Variants in RAB27A observed in about 807,000 individuals in gnomAD.
RAB27A encodes RAB27A, member RAS oncogene family.
RAB27A carries 17 observed loss-of-function variants against 20.8 expected under a neutral mutation model. The observed-to-expected ratio is 0.82, with a 90% CI of 0.56 to 1.23. The LOEUF (loss-of-function observed/expected upper bound fraction) is 1.23, where lower values mean the gene tolerates loss of function less well. Among genes scored for constraint, RAB27A ranks in the 50% most tolerant of loss-of-function variants. The pLI is 0.00. For synonymous variants in RAB27A, 85 were observed against 92.8 expected (o/e 0.92, Z 0.48); for missense variants, 277 against 266.7 (o/e 1.04, Z -0.27).
upstream of RAB27A, among the ~76,000 whole-genome samples, chr15:55,293,738 C>T (rs1047128883): frequency 1.3e-5 from 2 of 151,878 alleles, no homozygotes; most frequent in African/African-American, 2.4e-5. Context: ...GCCAACTTGG[C>T]GAAACCCGTC....
intron 2 of RAB27A, among the ~76,000 whole-genome samples, chr15:55,258,580 T>G (rs1001530936): frequency 6.6e-6 from 1 of 152,238 alleles, no homozygotes; most frequent in African/African-American, 2.4e-5. Context: ...GCTATACCTA[T>G]GCACACATGT....
intron 1 of RAB27A, among the ~76,000 whole-genome samples, chr15:55,276,697 G>A (rs925357576): frequency 6.6e-6 from 1 of 152,172 alleles, no homozygotes; most frequent in African/African-American, 2.4e-5. Context: ...ACAAGTTTCA[G>A]TTATGCAAAA....
chr15:55,272,832 C>CT (rs1450780075), intron 1 of RAB27A, among the ~76,000 whole-genome samples: 1 of 152,152 alleles, frequency 6.6e-6, no homozygotes, highest in Non-Finnish European at 1.5e-5. Context: ...AAAGCTGACT[C>CT]TTTATCTGCC....
intron 5 of RAB27A, among the ~76,000 whole-genome samples, chr15:55,226,509 TTG>T (rs36074324): frequency 0.14 from 21,114 of 148,538 alleles, 1,570 homozygotes; most frequent in Admixed American, 0.23. Flanking sequence ...TTTTATGTAT[TTG>T]TGTGTGTGTG....
intron 2 of RAB27A, chr15:55,269,839 T>TAA (rs1333718428): frequency 6.6e-6 from 1 of 152,222 alleles, no homozygotes; most frequent in African/African-American, 2.4e-5. Context: ...CCTCAGAGGA[T>TAA]AAGCAAGACT....
intron 1 of RAB27A, among the ~76,000 whole-genome samples, chr15:55,283,095 T>C (rs943117971): frequency 6.6e-6 from 1 of 152,154 alleles, no homozygotes; most frequent in African/African-American, 2.4e-5. Context: ...AGTTGTCTAA[T>C]GCAGGGTTTC....
At position 55,249,525 on chromosome 15, in the gene RAB27A, C is replaced by T. The variant is rs529312594; in HGVS notation, c.-22-14569G>A. On this transcript the variant is annotated intron_variant, in intron 2 of 6. Transcript: ENST00000336787. ...TGAACTCCTGGGCTCAAGTGATCCTCCTATCTCAGCCTCCCAAAGTGGTGA... is the reference window on the plus strand; with the variant it reads ...TGAACTCCTGGGCTCAAGTGATCCTTCTATCTCAGCCTCCCAAAGTGGTGA... Among the ~76,000 whole-genome samples, 12 of 152,312 alleles carry T rather than the reference C, an allele frequency of 7.9e-5. No individual in the cohort carries two copies. The East Asian group carries it at 2.3e-3, about 29-fold the overall frequency.
chr15:55,286,787 G>A (rs1055930573), intron 1 of RAB27A, among the ~76,000 whole-genome samples: 2 of 152,062 alleles, frequency 1.3e-5, no homozygotes, highest in Non-Finnish European at 2.9e-5. Context: ...ATAGAGTGTG[G>A]AGCAGTAAGG....
chr15:55,241,624 A>ATATATATATATATCTATATGTG (rs377301086), intron 2 of RAB27A, among the ~76,000 whole-genome samples: 1 of 117,664 alleles, frequency 8.5e-6, no homozygotes, highest in African/African-American at 4.4e-5. Context: ...ATATATATAT[A>ATATATATATATATCTATATGTG]TGTGTGTATA....
intron 2 of RAB27A, among the ~76,000 whole-genome samples, chr15:55,302,459 C>G (rs1332359735): frequency 1.3e-5 from 2 of 152,132 alleles, no homozygotes; most frequent in Non-Finnish European, 2.9e-5. Context: ...CTTGGCCTCC[C>G]AAAGTGCCGA....
chr15:55,226,699 T>A (rs373573538), intron 5 of RAB27A, among the ~76,000 whole-genome samples: 65 of 151,922 alleles, frequency 4.3e-4, no homozygotes, highest in African/African-American at 1.5e-3. Flanking sequence ...TGAAACCCCA[T>A]CTCTACAAAA....
intron 2 of RAB27A, among the ~76,000 whole-genome samples, chr15:55,303,231 G>T (rs1595755724): frequency 1.1e-5 from 1 of 92,712 alleles, no homozygotes; most frequent in Admixed American, 9.3e-5. Flanking sequence ...CCCTCAGCCC[G>T]GCCAGCCGCC....
chr15:55,210,146 T>C (rs1348320398), intron 6 of RAB27A, among the ~76,000 whole-genome samples: 2 of 83,172 alleles, frequency 2.4e-5, no homozygotes, highest in African/African-American at 9.4e-5. Context: ...TATATGTATG[T>C]GTATGTATAC....
chr15:55,265,175 G>A (rs1377770019), intron 2 of RAB27A, among the ~76,000 whole-genome samples: 2 of 152,178 alleles, frequency 1.3e-5, no homozygotes, highest in Non-Finnish European at 2.9e-5. Flanking sequence ...CCAGGAGGCG[G>A]AGGTTGCAGC....
rs1461529523 is a variant in RAB27A, at chr15:55,203,752, C to T, written c.*1755G>A. On this transcript the variant is annotated 3_prime_UTR_variant, in exon 7 of 7. Coordinates refer to ENST00000336787, the MANE Select transcript of RAB27A (RefSeq NM_183235.3). ...TGCTCTTGAAATGTCTAAATCTTTTCCTCACTAGCATATACAATTCAAATG... is the reference window on the plus strand; with the variant it reads ...TGCTCTTGAAATGTCTAAATCTTTTTCTCACTAGCATATACAATTCAAATG... The T allele has an allele frequency of 6.6e-6, 1 of 151,832 alleles. No individual in the cohort carries two copies. The highest frequency in any genetic ancestry group is 2.4e-5 in the African/African-American group (1 of 41,328). The allele number at this position is 151,832 out of a possible 1,614,324, so 9.4% of individuals were successfully genotyped here.
At chr15:55,218,404 G>C (rs1212942906) in intron 6 of RAB27A, among the ~76,000 whole-genome samples, 1 of 152,172 alleles carries the variant, frequency 6.6e-6, no homozygotes, top group Non-Finnish European at 1.5e-5. Flanking sequence ...ACATCGCTAA[G>C]TTATTTCTCA....
intron 2 of RAB27A, among the ~76,000 whole-genome samples, chr15:55,264,314 GTAC>G (rs1435729799): frequency 1.3e-5 from 2 of 152,144 alleles, no homozygotes; most frequent in African/African-American, 4.8e-5. Context: ...GCCTCCCAAA[GTAC>G]TGGGATTACT....
In RAB27A at chr15:55,236,455, G is replaced by A. The variant is rs546898472; in HGVS notation, c.-22-1499C>T. On this transcript the variant is annotated intron_variant, in intron 2 of 6. Transcript: ENST00000336787. Reference sequence around the variant, plus strand: ...AGAGACCACAGTGCCACAACCAAGGGCTCGCTTACCTATGTTTACCTGGGT... The same window carrying A: ...AGAGACCACAGTGCCACAACCAAGGACTCGCTTACCTATGTTTACCTGGGT... Among the ~76,000 whole-genome samples the A allele has an allele frequency of 2.6e-5, 4 of 152,160 alleles. No individual in the cohort carries two copies. The South Asian group carries it at 8.3e-4, about 32-fold the overall frequency.
At chr15:55,237,002 G>A (rs3784547) in intron 2 of RAB27A, among the ~76,000 whole-genome samples, 47,314 of 151,762 alleles carry the variant, frequency 0.31, 8,491 homozygotes, top group East Asian at 0.68. Context: ...CGTTTCCCCC[G>A]CCAATGCCAA....
Sources: allele counts gnomAD v4.1 joint callset (sites outside exome capture counted in the v4.1 genomes callset), GRCh38; gene constraint gnomAD v4.1.1; transcripts MANE v1.5; gene names NCBI Gene and HGNC (gene_info 2026-07-23, HGNC 2026-07-21).